The following CDH12 variants were observed in gnomAD, a reference collection of about 807,000 sequenced individuals.
CDH12 encodes the protein cadherin 12.
CDH12 carries 41 observed loss-of-function variants against 74.1 expected under a neutral mutation model. The observed-to-expected ratio is 0.55, with a 90% CI of 0.43 to 0.72. The LOEUF (loss-of-function observed/expected upper bound fraction) is 0.72, where lower values mean the gene tolerates loss of function less well. CDH12 is among the 30% of genes least tolerant of loss of function. CDH12 has a pLI of 0.00. For missense variants in CDH12, 945 were observed against 977.2 expected, an observed-to-expected ratio of 0.97 and a Z score of 0.44; for synonymous variants, 399 against 355.0, an observed-to-expected ratio of 1.12 and a Z score of -1.39.
At chr5:21,943,635 C>T (rs760593589) in intron 6 of CDH12, among the ~76,000 whole-genome samples, 5 of 152,080 alleles carry the variant, frequency 3.3e-5, no homozygotes, top group Admixed American at 6.6e-5. Context: ...TATACTTAAA[C>T]CTCTAAAGGA....
chr5:21,813,890 G>A (rs1747892338), intron 9 of CDH12, among the ~76,000 whole-genome samples: 1 of 152,044 alleles, frequency 6.6e-6, no homozygotes, highest in Non-Finnish European at 1.5e-5. Flanking sequence ...ATTCATCACT[G>A]CTGAAAGTGA....
At chr5:22,786,319 T>C (rs10054624) in intron 1 of CDH12, among the ~76,000 whole-genome samples, 2,710 of 152,324 alleles carry the variant, frequency 0.018, 83 homozygotes, top group African/African-American at 0.062. Flanking sequence ...ATTTTTGCAG[T>C]TGTGAATGTA....
chr5:22,704,185 C>CT (rs1185856497), intron 1 of CDH12, among the ~76,000 whole-genome samples: 5 of 152,142 alleles, frequency 3.3e-5, no homozygotes, highest in African/African-American at 1.2e-4. Context: ...ACACATGGAA[C>CT]TTTTTTGTGG....
At chr5:22,429,114 ATT>A (rs1561397554) in intron 2 of CDH12, among the ~76,000 whole-genome samples, 1 of 150,174 alleles carries the variant, frequency 6.7e-6, no homozygotes, top group African/African-American at 2.4e-5. Flanking sequence ...ATTTTATTTT[ATT>A]TTATTTTATT....
intron 1 of CDH12, among the ~76,000 whole-genome samples, chr5:22,656,012 A>G (rs1740015486): frequency 6.6e-6 from 1 of 152,172 alleles, no homozygotes; most frequent in Non-Finnish European, 1.5e-5. Context: ...TGGGACTACC[A>G]CTGAGACCTC....
At chr5:22,071,140 A>C (rs1054330342) in intron 5 of CDH12, among the ~76,000 whole-genome samples, 1 of 152,144 alleles carries the variant, frequency 6.6e-6, no homozygotes, top group East Asian at 1.9e-4. Context: ...AAATTAAATT[A>C]AATTTAAAAA....
chr5:22,466,188 C>T (rs1000848733), intron 2 of CDH12, among the ~76,000 whole-genome samples: 1 of 152,212 alleles, frequency 6.6e-6, no homozygotes, highest in South Asian at 2.1e-4. Context: ...GATAACCCTC[C>T]TTCCTGAGCC....
intron 8 of CDH12, among the ~76,000 whole-genome samples, chr5:21,824,446 GC>G (rs1399621345): frequency 6.6e-6 from 1 of 152,058 alleles, no homozygotes; most frequent in East Asian, 1.9e-4. Context: ...CACTCCACAG[GC>G]AGATTCTCGC....
At chr5:22,833,815 G>C (rs1328565816) in intron 1 of CDH12, among the ~76,000 whole-genome samples, 1 of 151,942 alleles carries the variant, frequency 6.6e-6, no homozygotes. Flanking sequence ...ATCTGTCTTG[G>C]AAAATCTTTT....
At chr5:21,910,746 C>T (rs1350589775) in intron 6 of CDH12, among the ~76,000 whole-genome samples, 1 of 151,536 alleles carries the variant, frequency 6.6e-6, no homozygotes, top group East Asian at 1.9e-4. Flanking sequence ...ACACAGATTC[C>T]ACCACACCAA....
chr5:21,834,622 A>G (rs1470684949), intron 8 of CDH12, among the ~76,000 whole-genome samples: 3 of 151,940 alleles, frequency 2.0e-5, no homozygotes, highest in Non-Finnish European at 2.9e-5. Flanking sequence ...CACCAGTACT[A>G]CACTTTAGAA....
intron 6 of CDH12, among the ~76,000 whole-genome samples, chr5:21,926,013 T>C (rs1754570029): frequency 6.6e-6 from 1 of 152,160 alleles, no homozygotes; most frequent in Non-Finnish European, 1.5e-5. Flanking sequence ...TATTTTGTCA[T>C]GAAAATACAC....
chr5:22,650,043 A>C (rs1739651066), intron 1 of CDH12, among the ~76,000 whole-genome samples: 1 of 152,056 alleles, frequency 6.6e-6, no homozygotes, highest in Admixed American at 6.6e-5. Flanking sequence ...AATGGGTGCA[A>C]AATTAAATCA....
At position 22,532,350 on chromosome 5, in the gene CDH12, G is replaced by GATATATATACATATATATATAT. The variant is rs1737622020; in HGVS notation, c.-522-26987_-522-26986insATATATATATATGTATATATAT. Among the ~76,000 whole-genome samples the GATATATATACATATATATATAT allele has an allele frequency of 7.3e-5, 2 of 27,576 alleles. 1 individual carries two copies. Among genetic ancestry groups the GATATATATACATATATATATAT allele is most frequent in the Non-Finnish European group, 1.5e-4 (2 of 13,594 alleles). 18.1% of individuals were successfully genotyped at this position (27,576 alleles called of 152,430 possible). ...TCTAACAGATAAATTATATAAATAG[G>GATATATATACATATATATATAT]ATATATATATATATATATATATATA... is the stretch of plus-strand genomic sequence containing the variant. On this transcript the variant is annotated intron_variant, in intron 1 of 14. Transcript: ENST00000382254.
chr5:22,360,668 GC>G (rs1740762110), intron 3 of CDH12, among the ~76,000 whole-genome samples: 1 of 152,116 alleles, frequency 6.6e-6, no homozygotes, highest in Admixed American at 6.5e-5. Flanking sequence ...GAACATTGAT[GC>G]AAAAATCCTC....
chr5:22,377,464 G>T lies in CDH12; in HGVS notation c.-333+27793C>A, dbSNP rs891138477. Among the ~76,000 whole-genome samples the T allele has an allele frequency of 4.6e-5, 7 of 152,112 alleles. No homozygotes were observed. In the South Asian group the frequency reaches 1.0e-3, roughly 22 times the overall value. On this transcript the variant is annotated intron_variant, in intron 3 of 14. Coordinates refer to ENST00000382254, the MANE Select transcript of CDH12 (RefSeq NM_004061.5). ...TAGGATGGCTTCCAGCACAGTGAGG[G>T]CCAAGTGTGTCCTCATTTGCATCCG...
chr5:22,098,105 A>G (rs190836985), intron 4 of CDH12, among the ~76,000 whole-genome samples: 1 of 152,108 alleles, frequency 6.6e-6, no homozygotes, highest in African/African-American at 2.4e-5. Context: ...TTCCTTTACT[A>G]TTCCTTTGCA....
chr5:22,223,422 C>T (rs73062553), intron 3 of CDH12, among the ~76,000 whole-genome samples: 4,496 of 152,022 alleles, frequency 0.03, 110 homozygotes, highest in African/African-American at 0.067. Flanking sequence ...AAAGGGTCAG[C>T]CTTATTAGGA....
intron 6 of CDH12, among the ~76,000 whole-genome samples, chr5:21,943,315 A>G (rs1755422328): frequency 6.6e-6 from 1 of 152,226 alleles, no homozygotes. Context: ...GCATTTACAA[A>G]GTTTACAGTA....
Sources: allele counts gnomAD v4.1 joint callset (sites outside exome capture counted in the v4.1 genomes callset), GRCh38; gene constraint gnomAD v4.1.1; transcripts MANE v1.5; gene names NCBI Gene and HGNC (gene_info 2026-07-23, HGNC 2026-07-21).